Variants in SAP30L observed in about 807,000 individuals in gnomAD.
The protein encoded by SAP30L is SAP30 like.
Under a neutral mutation model 22.3 loss-of-function variants are expected in SAP30L, and 10 were observed. That is an observed-to-expected ratio of 0.45 (90% CI 0.28 to 0.76). The LOEUF is 0.76. Ranked by LOEUF, SAP30L falls within the 30% of genes least tolerant of loss-of-function variation. SAP30L has a pLI of 0.14. For missense variants in SAP30L, 206 were observed against 237.9 expected, an observed-to-expected ratio of 0.87 and a Z score of 0.88; for synonymous variants, 91 against 94.1, an observed-to-expected ratio of 0.97 and a Z score of 0.19.
intron 1 of SAP30L, among the ~76,000 whole-genome samples, chr5:154,447,504 G>T (rs867542938): frequency 6.6e-6 from 1 of 152,216 alleles, no homozygotes; most frequent in Non-Finnish European, 1.5e-5. Context: ...AACTCCTCCC[G>T]TGTGACTTCA....
rs1757023682 is a variant in SAP30L at position 154,446,823 on chromosome 5, C to T, written c.201+18C>T. 2 of 1,587,400 alleles carry T rather than the reference C, an allele frequency of 1.3e-6. No homozygotes were observed. The highest frequency in any genetic ancestry group is 1.4e-5 in the African/African-American group (1 of 73,102). ...ACAAGAGCGTGAGTCCGCCCCCGCT[C>T]GCGTCTGGGCCCCGGCGCCCCCAGC... On this transcript the variant is annotated intron_variant, in intron 1 of 3. Coordinates refer to ENST00000297109, the MANE Select transcript of SAP30L (RefSeq NM_024632.6).
Position 154,459,109 on chromosome 5 carries a change from G to A in SAP30L, c.*3081G>A, listed in dbSNP as rs899351690. 3 of 152,240 alleles carry A rather than the reference G, an allele frequency of 2.0e-5. No individual in the cohort carries two copies. The highest frequency in any genetic ancestry group is 7.2e-5 in the African/African-American group (3 of 41,470). The allele number at this position is 152,240 out of a possible 1,614,324, so 9.4% of individuals were successfully genotyped here. On this transcript the variant is annotated 3_prime_UTR_variant, in exon 4 of 4. Transcript: ENST00000297109. Reference sequence around the variant, plus strand: ...AACTGCCTGTTGGGAGGGAGAGGATGGAAGAAGGAGCTTACTCTGGGGGCC... The same window carrying A: ...AACTGCCTGTTGGGAGGGAGAGGATAGAAGAAGGAGCTTACTCTGGGGGCC...
intron 1 of SAP30L, among the ~76,000 whole-genome samples, chr5:154,450,711 CCTCCATTGGAAACTCTA>C: frequency 6.6e-6 from 1 of 152,192 alleles, no homozygotes; most frequent in African/African-American, 2.4e-5. Flanking sequence ...TTTCTGTCAT[CCTCCATTGGAAACTCTA>C]AAGTCTTGGC....
Position 154,449,956 on chromosome 5 carries a change from A to C in SAP30L, c.202-1135A>C, listed in dbSNP as rs565625380. On this transcript the variant is annotated intron_variant, in intron 1 of 3. Coordinates refer to ENST00000297109, the MANE Select transcript of SAP30L (RefSeq NM_024632.6). ...CATGAAAGTGATCATTCATCTGAAT[A>C]AATAAATAAACAGTTTTCATTATTT... Among the ~76,000 whole-genome samples, 7 of 152,370 alleles carry C rather than the reference A, an allele frequency of 4.6e-5. No homozygotes were observed. The South Asian group carries it at 1.4e-3, about 32-fold the overall frequency.
chr5:154,450,653 G>A (rs1177956169), intron 1 of SAP30L, among the ~76,000 whole-genome samples: 6 of 151,990 alleles, frequency 3.9e-5, no homozygotes, highest in Non-Finnish European at 8.8e-5. Context: ...CTCCTACATG[G>A]GCAGCCATCA....
chr5:154,453,956 T>G (rs953242065), intron 3 of SAP30L, among the ~76,000 whole-genome samples: 3 of 152,016 alleles, frequency 2.0e-5, no homozygotes, highest in Non-Finnish European at 4.4e-5. Flanking sequence ...GCCTCCAGAG[T>G]AGCTAGGACC....
At position 154,451,186 on chromosome 5, in the gene SAP30L, T is replaced by C. The variant is rs918713666; in HGVS notation, c.297T>C (p.Ser99=). Residue 99 remains serine, a synonymous_variant, in exon 2 of 4, where the codon TCT becomes TCC. Coordinates refer to ENST00000297109, the MANE Select transcript of SAP30L (RefSeq NM_024632.6). ...KRKTSDDGGD[S]PEHDTDIPEV... is the part of the protein sequence containing the mutation. ...AGACAAGTGACGATGGCGGAGATTC[T>C]CCCGAGCACGACACTGACATTCCTG... 1 of 1,613,938 alleles carries C rather than the reference T, an allele frequency of 6.2e-7. No individual in the cohort carries two copies. The highest frequency in any genetic ancestry group is 1.3e-5 in the African/African-American group (1 of 74,908).
intron 1 of SAP30L, 62 bp downstream of exon 1, chr5:154,446,867 G>T: frequency 6.9e-7 from 1 of 1,451,194 alleles, no homozygotes; most frequent in Non-Finnish European, 9.4e-7. Flanking sequence ...CGCTGCCCTG[G>T]GCTCCAGTCG....
chr5:154,452,605 C>T (rs1176006492), intron 2 of SAP30L: 2 of 402,648 alleles, frequency 5.0e-6, no homozygotes, highest in African/African-American at 2.2e-5. Context: ...CCTCTGTTAT[C>T]CAGTCATCTG....
chr5:154,452,990 A>C, intron 2 of SAP30L: 1 of 166,588 alleles, frequency 6.0e-6, no homozygotes, highest in East Asian at 1.7e-4. Context: ...CCTCTGTGAT[A>C]GCTCCTTCTG....
At chr5:154,449,607 C>T (rs1479248345) in intron 1 of SAP30L, among the ~76,000 whole-genome samples, 3 of 152,176 alleles carry the variant, frequency 2.0e-5, no homozygotes, top group Non-Finnish European at 4.4e-5. Context: ...ACATGGAGGG[C>T]TAGCTTCCTC....
At chr5:154,450,208 G>C (rs1000857492) in intron 1 of SAP30L, among the ~76,000 whole-genome samples, 24 of 152,190 alleles carry the variant, frequency 1.6e-4, no homozygotes, top group African/African-American at 5.8e-4. Context: ...CTTAGCTGTT[G>C]CTGCCACCTT....
rs1757260068 is a variant in SAP30L, at chr5:154,456,151, T to C, written c.*123T>C. ...ATAAAAAAGTTTGAATGATGAATACTGTAAATCTTTTTGGTCAGGAGGATT... is the reference window on the plus strand; with the variant it reads ...ATAAAAAAGTTTGAATGATGAATACCGTAAATCTTTTTGGTCAGGAGGATT... On this transcript the variant is annotated 3_prime_UTR_variant, in exon 4 of 4. Transcript: ENST00000297109. 5 of 1,003,488 alleles carry C rather than the reference T, an allele frequency of 5.0e-6. No individual in the cohort carries two copies. In the East Asian group the frequency reaches 1.1e-4, roughly 22 times the overall value. 62.2% of individuals were successfully genotyped at this position (1,003,488 alleles called of 1,614,324 possible).
chr5:154,448,621 C>CCAGT (rs1273080815), intron 1 of SAP30L, among the ~76,000 whole-genome samples: 1 of 152,194 alleles, frequency 6.6e-6, no homozygotes, highest in East Asian at 1.9e-4. Flanking sequence ...AAAGAATCTT[C>CCAGT]CAGTCCTTTT....
In SAP30L at chr5:154,446,692, T is replaced by G; in HGVS notation, c.88T>G (p.Cys30Gly). The G allele has an allele frequency of 1.3e-6, 2 of 1,589,296 alleles. No homozygotes were observed. Among genetic ancestry groups the G allele is most frequent in the Non-Finnish European group, 1.7e-6 (2 of 1,170,996 alleles). Residue 30 changes from cysteine (C) to glycine (G), a missense_variant, in exon 1 of 4, where the codon TGC becomes GGC. Coordinates refer to ENST00000297109, the MANE Select transcript of SAP30L (RefSeq NM_024632.6). ...AAAPGYGQSC[C>G]LIEDGERCVR... is the part of the protein sequence containing the mutation. ...CGCCCCGGGCTACGGCCAGAGCTGC[T>G]GCCTCATCGAGGACGGCGAGCGCTG...
In SAP30L at chr5:154,456,256, A is replaced by C. The variant is rs1334081137; in HGVS notation, c.*228A>C. On this transcript the variant is annotated 3_prime_UTR_variant, in exon 4 of 4. Transcript: ENST00000297109. ...GACTAAAAAAATCAGGATCATTAAA[A>C]GAATTAAAAACTATGTATTTCAGCA... 2.8e-6 allele frequency: 1 copy of C among 351,224 alleles called. No individual in the cohort carries two copies. The highest frequency in any genetic ancestry group is 5.1e-6 in the Non-Finnish European group (1 of 195,040). 21.8% of individuals were successfully genotyped at this position (351,224 alleles called of 1,614,324 possible). A position where few individuals can be genotyped will look rare whatever the true frequency, so the allele number is the denominator to read the frequency against.
chr5:154,455,887 T>G lies in SAP30L; in HGVS notation c.424-13T>G, dbSNP rs978000811. The G allele has an allele frequency of 1.9e-6, 3 of 1,599,212 alleles. No homozygotes were observed. In the African/African-American group the frequency reaches 4.1e-5, roughly 22 times the overall value. On this transcript the variant is annotated splice_polypyrimidine_tract_variant and intron_variant, in intron 3 of 3. Coordinates refer to ENST00000297109, the MANE Select transcript of SAP30L (RefSeq NM_024632.6). Reference sequence around the variant, plus strand: ...CATGGTTTAAGGAACTTTGGTATTTTCCCCCCACATAGACTGTGAGTCGAC... The same window carrying G: ...CATGGTTTAAGGAACTTTGGTATTTGCCCCCCACATAGACTGTGAGTCGAC...
intron 1 of SAP30L, among the ~76,000 whole-genome samples, chr5:154,447,256 G>C (rs950143050): frequency 6.6e-6 from 1 of 152,340 alleles, no homozygotes; most frequent in African/African-American, 2.4e-5. Flanking sequence ...CCGCATCCTC[G>C]GTATCAGCAG....
At position 154,446,365 on chromosome 5, in the gene SAP30L, T is replaced by C. The variant is rs1227951542; in HGVS notation, c.-240T>C. 1.0e-5 allele frequency: 4 copies of C among 386,104 alleles called. No homozygotes were observed. Among genetic ancestry groups the C allele is most frequent in the Middle Eastern group, 6.6e-4 (1 of 1,518 alleles). 23.9% of individuals were successfully genotyped at this position (386,104 alleles called of 1,614,324 possible). ...CTCCGGGTGACCCCCGGCGGGGCCC[T>C]GCGAGCCGCGGGAGCCGACCCCGGG... On this transcript the variant is annotated 5_prime_UTR_variant, in exon 1 of 4. Transcript: ENST00000297109.
Sources: gnomAD v4.1 joint callset for allele counts (sites outside exome capture counted in the v4.1 genomes callset) on GRCh38, gnomAD v4.1.1 for gene constraint, MANE v1.5 for transcripts, NCBI Gene and HGNC (gene_info 2026-07-23, HGNC 2026-07-21) for gene names.